TANGO6: variants seen among roughly 807,000 people sequenced by gnomAD.
TANGO6 encodes transport and Golgi organization protein 6 homolog.
In TANGO6, 90 loss-of-function variants were observed where a neutral mutation model predicts 114.2. That is an observed-to-expected ratio of 0.79 (90% CI 0.66 to 0.94). TANGO6 has a LOEUF of 0.94. TANGO6 is among the 40% of genes least tolerant of loss of function. The pLI, the probability that TANGO6 is intolerant of heterozygous loss-of-function variation, is 0.00. For synonymous variants in TANGO6, 477 were observed against 509.8 expected (o/e 0.94, Z 0.87); for missense variants, 1,274 against 1,315.3 (o/e 0.97, Z 0.49).
chr16:69,022,809 T>G lies in TANGO6; in HGVS notation c.2843-19T>G, dbSNP rs771271330. The G allele has an allele frequency of 6.4e-7, 1 of 1,558,696 alleles. No homozygotes were observed. Among genetic ancestry groups the G allele is most frequent in the South Asian group, 1.2e-5 (1 of 84,016 alleles). Reference sequence around the variant, plus strand: ...AAATTTTGTTTTAAGGGGTTTTGATTTCTTCCTTTTTCCTATAGGAGACAT... The same window carrying G: ...AAATTTTGTTTTAAGGGGTTTTGATGTCTTCCTTTTTCCTATAGGAGACAT... On this transcript the variant is annotated intron_variant, in intron 15 of 17. Transcript: ENST00000261778.
At chr16:68,854,112 AT>A in intron 1 of TANGO6, among the ~76,000 whole-genome samples, 1 of 152,144 alleles carries the variant, frequency 6.6e-6, no homozygotes, top group Non-Finnish European at 1.5e-5. Flanking sequence ...TAAGTTTTAA[AT>A]TTTGATGAAG....
chr16:69,072,700 ACACT>A (rs1960315387), intron 17 of TANGO6, among the ~76,000 whole-genome samples: 1 of 152,166 alleles, frequency 6.6e-6, no homozygotes, highest in Non-Finnish European at 1.5e-5. Flanking sequence ...GCTTTGCTTA[ACACT>A]CAGTTACTAA....
chr16:68,896,744 G>C (rs1047414847), intron 7 of TANGO6, among the ~76,000 whole-genome samples: 1 of 152,128 alleles, frequency 6.6e-6, no homozygotes, highest in Non-Finnish European at 1.5e-5. Flanking sequence ...AGAGGCCATT[G>C]ACATTCTTTA....
chr16:69,068,787 C>T (rs769219054), intron 17 of TANGO6, among the ~76,000 whole-genome samples: 1 of 152,186 alleles, frequency 6.6e-6, no homozygotes, highest in Non-Finnish European at 1.5e-5. Context: ...CATCTTGGCT[C>T]ACTGCAACCT....
At chr16:68,852,661 C>T (rs1961924313) in intron 1 of TANGO6, among the ~76,000 whole-genome samples, 1 of 151,914 alleles carries the variant, frequency 6.6e-6, no homozygotes, top group African/African-American at 2.4e-5. Context: ...GAGACCCCCA[C>T]ATCTCTACAA....
intron 15 of TANGO6, among the ~76,000 whole-genome samples, chr16:68,991,211 T>C (rs1963943621): frequency 6.6e-6 from 1 of 151,562 alleles, no homozygotes; most frequent in East Asian, 1.9e-4. Flanking sequence ...AGCAGAGGAG[T>C]CTAGACTTGC....
chr16:68,928,552 G>A (rs1226939532), intron 13 of TANGO6, among the ~76,000 whole-genome samples: 2 of 151,848 alleles, frequency 1.3e-5, no homozygotes, highest in Non-Finnish European at 2.9e-5. Context: ...CACCTGCCTC[G>A]GCCTCCCAAA....
intron 10 of TANGO6, 103 bp downstream of exon 10, chr16:68,907,678 C>T: frequency 1.5e-6 from 2 of 1,338,456 alleles, no homozygotes; most frequent in South Asian, 1.7e-5. Context: ...AAAATGTAGG[C>T]CCTAATTTAA....
At chr16:69,031,261 C>T (rs934276789) in intron 16 of TANGO6, among the ~76,000 whole-genome samples, 4 of 151,878 alleles carry the variant, frequency 2.6e-5, no homozygotes, top group African/African-American at 9.7e-5. Context: ...AAGGGCAGAA[C>T]CCATCTTGAT....
intron 1 of TANGO6, among the ~76,000 whole-genome samples, chr16:68,845,856 T>C (rs76911291): frequency 0.037 from 5,547 of 151,892 alleles, 141 homozygotes; most frequent in Middle Eastern, 0.099. Flanking sequence ...GTTTTTTGTT[T>C]TTTGTTTTTT....
At chr16:68,909,935 CTTAAGTT>C (rs1355299353) in intron 11 of TANGO6, among the ~76,000 whole-genome samples, 1 of 152,152 alleles carries the variant, frequency 6.6e-6, no homozygotes, top group Non-Finnish European at 1.5e-5. Context: ...ACAACATTCT[CTTAAGTT>C]TTAAGATGTT....
At chr16:68,910,030 C>G (rs1193469732) in intron 11 of TANGO6, among the ~76,000 whole-genome samples, 1 of 152,126 alleles carries the variant, frequency 6.6e-6, no homozygotes, top group East Asian at 1.9e-4. Context: ...ATTTTTCCCA[C>G]CTTTAAAAAA....
chr16:68,933,514 C>T (rs563092769), intron 14 of TANGO6, among the ~76,000 whole-genome samples: 5 of 152,162 alleles, frequency 3.3e-5, no homozygotes, highest in Non-Finnish European at 5.9e-5. Flanking sequence ...GAAGGTTCAG[C>T]GGGGCTTGGC....
chr16:69,051,865 TA>T (rs1959953668), intron 17 of TANGO6, among the ~76,000 whole-genome samples: 1 of 151,612 alleles, frequency 6.6e-6, no homozygotes, highest in South Asian at 2.1e-4. Flanking sequence ...AATATATATA[TA>T]TATTTTTTCC....
At chr16:68,999,796 G>A (rs1190159499) in intron 15 of TANGO6, among the ~76,000 whole-genome samples, 1 of 152,200 alleles carries the variant, frequency 6.6e-6, no homozygotes, top group Non-Finnish European at 1.5e-5. Context: ...GATTATTTTA[G>A]TATTTTATTA....
intron 7 of TANGO6, among the ~76,000 whole-genome samples, chr16:68,882,888 C>T (rs769122510): frequency 7.9e-5 from 12 of 151,898 alleles, no homozygotes; most frequent in African/African-American, 1.7e-4. Flanking sequence ...CGTTGTGGTA[C>T]GCGCCTGTAG....
intron 12 of TANGO6, among the ~76,000 whole-genome samples, chr16:68,921,607 C>CTTTTTTTTTTTTTTTTTTTTTTTTGT (rs1167059062): frequency 1.7e-5 from 1 of 57,942 alleles, no homozygotes; most frequent in Non-Finnish European, 3.4e-5. Context: ...TGAGAGTGTG[C>CTTTTTTTTTTTTTTTTTTTTTTTTGT]TTTTTTTTTT....
At chr16:69,028,587 T>C (rs972072728) in intron 16 of TANGO6, among the ~76,000 whole-genome samples, 1 of 151,900 alleles carries the variant, frequency 6.6e-6, no homozygotes, top group African/African-American at 2.4e-5. Flanking sequence ...GAGCTAAAAC[T>C]GCGCCACTAC....
chr16:68,893,236 A>C (rs900837118), intron 7 of TANGO6, among the ~76,000 whole-genome samples: 1 of 152,170 alleles, frequency 6.6e-6, no homozygotes, highest in African/African-American at 2.4e-5. Flanking sequence ...CATAGATGAG[A>C]TACGAAAGAG....
Sources: gnomAD v4.1 joint callset for allele counts (sites outside exome capture counted in the v4.1 genomes callset) on GRCh38, gnomAD v4.1.1 for gene constraint, MANE v1.5 for transcripts, NCBI Gene and HGNC (gene_info 2026-07-23, HGNC 2026-07-21) for gene names.